The following KLF12 variants were observed in gnomAD, a reference collection of about 807,000 sequenced individuals.
The protein encoded by KLF12 is KLF transcription factor 12.
In KLF12, 9 loss-of-function variants were observed where a neutral mutation model predicts 37.8. The observed-to-expected ratio is 0.24, with a 90% CI of 0.14 to 0.42. The LOEUF (loss-of-function observed/expected upper bound fraction) is 0.42, where lower values mean the gene tolerates loss of function less well. Among genes scored for constraint, KLF12 ranks in the 10% least tolerant of loss-of-function variants. The pLI is 1.00. For synonymous variants in KLF12, 208 were observed against 202.1 expected (o/e 1.03, Z -0.25); for missense variants, 411 against 516.0 (o/e 0.80, Z 1.97).
chr13:74,185,427 T>A, the KLF12 span, among the ~76,000 whole-genome samples: 1 of 152,134 alleles, frequency 6.6e-6, no homozygotes, highest in Admixed American at 6.5e-5. Flanking sequence ...TCATCAATAT[T>A]TTTTTCCAAC....
At chr13:73,824,819 G>A (rs1034775537) in intron 4 of KLF12, among the ~76,000 whole-genome samples, 2 of 152,136 alleles carry the variant, frequency 1.3e-5, no homozygotes, top group Non-Finnish European at 2.9e-5. Flanking sequence ...TGTAATCCCA[G>A]CACTTTGAGA....
At chr13:74,046,990 A>C (rs1047281628) in intron 1 of KLF12, among the ~76,000 whole-genome samples, 2 of 152,178 alleles carry the variant, frequency 1.3e-5, no homozygotes, top group African/African-American at 4.8e-5. Flanking sequence ...CTACTGAAAA[A>C]CAGGAAAAAA....
chr13:74,280,936 A>T, the KLF12 span, among the ~76,000 whole-genome samples: 1 of 149,880 alleles, frequency 6.7e-6, no homozygotes, highest in Non-Finnish European at 1.5e-5. Context: ...TCAGATAGCC[A>T]CTACTTTTGA....
intron 2 of KLF12, among the ~76,000 whole-genome samples, chr13:73,952,524 G>T (rs1263419283): frequency 6.6e-6 from 1 of 152,098 alleles, no homozygotes; most frequent in African/African-American, 2.4e-5. Context: ...CAACAATAAG[G>T]TTAAAATTTG....
At chr13:73,792,092 T>C (rs773364640) in intron 5 of KLF12, among the ~76,000 whole-genome samples, 8 of 152,194 alleles carry the variant, frequency 5.3e-5, no homozygotes, top group Admixed American at 3.9e-4. Flanking sequence ...TCACTCACCA[T>C]GGCTATGGCA....
chr13:73,839,353 T>C (rs1423030770), intron 4 of KLF12, among the ~76,000 whole-genome samples: 5 of 151,896 alleles, frequency 3.3e-5, no homozygotes, highest in Non-Finnish European at 5.9e-5. Context: ...TCTGCCTTCA[T>C]TGGCCTCCCA....
At chr13:74,275,811 T>C in the KLF12 span, among the ~76,000 whole-genome samples, 77 of 80,544 alleles carry the variant, frequency 9.6e-4, no homozygotes, top group East Asian at 2.7e-3. Flanking sequence ...TCTTTCCTTC[T>C]TTCTTTCTTT....
the KLF12 span, among the ~76,000 whole-genome samples, chr13:74,166,087 CT>C: frequency 0.029 from 2,987 of 103,692 alleles, 27 homozygotes; most frequent in Middle Eastern, 0.073. Context: ...GCATAAACAC[CT>C]TTTTTTTTTT....
At chr13:73,829,460 A>T (rs1037751520) in intron 4 of KLF12, among the ~76,000 whole-genome samples, 1 of 152,164 alleles carries the variant, frequency 6.6e-6, no homozygotes, top group Non-Finnish European at 1.5e-5. Flanking sequence ...CAAGTCAACT[A>T]GTTTCATTTG....
At chr13:73,832,205 T>G (rs1884197212) in intron 4 of KLF12, among the ~76,000 whole-genome samples, 1 of 152,220 alleles carries the variant, frequency 6.6e-6, no homozygotes, top group South Asian at 2.1e-4. Flanking sequence ...CCTCATTCTT[T>G]GTGTGCCCTC....
intron 6 of KLF12, among the ~76,000 whole-genome samples, chr13:73,764,425 T>C (rs1364237915): frequency 6.6e-6 from 1 of 151,886 alleles, no homozygotes; most frequent in Admixed American, 6.6e-5. Flanking sequence ...ATTCCATCTA[T>C]ATTTTTGTTC....
At chr13:74,183,301 C>T in the KLF12 span, among the ~76,000 whole-genome samples, 4 of 152,078 alleles carry the variant, frequency 2.6e-5, no homozygotes, top group South Asian at 2.1e-4. Flanking sequence ...CACATGAATG[C>T]GGGACTCGGC....
intron 3 of KLF12, among the ~76,000 whole-genome samples, chr13:73,904,373 G>A (rs1409000664): frequency 6.6e-6 from 1 of 150,958 alleles, no homozygotes. Flanking sequence ...TATCGTAAAT[G>A]CAATTTTCAT....
chr13:73,945,479 T>C (rs377004622), intron 2 of KLF12, among the ~76,000 whole-genome samples: 1 of 144,534 alleles, frequency 6.9e-6, no homozygotes, highest in East Asian at 2.4e-4. Context: ...CAAAAATAAA[T>C]AAATAAAAAC....
chr13:73,983,107 G>A (rs545764043), intron 2 of KLF12, among the ~76,000 whole-genome samples: 6 of 151,976 alleles, frequency 3.9e-5, no homozygotes, highest in South Asian at 4.2e-4. Context: ...TATGAGGCTC[G>A]CACCCTGTCC....
At chr13:74,036,807 C>T (rs2138514030) in intron 1 of KLF12, among the ~76,000 whole-genome samples, 1 of 152,264 alleles carries the variant, frequency 6.6e-6, no homozygotes, top group Non-Finnish European at 1.5e-5. Flanking sequence ...GAAAAAGTGC[C>T]TTCTGTTTTA....
intron 5 of KLF12, among the ~76,000 whole-genome samples, chr13:73,809,040 T>C (rs1477395574): frequency 6.6e-6 from 1 of 152,194 alleles, no homozygotes. Flanking sequence ...CTTTGATCTT[T>C]AATTGTAAAG....
At chr13:73,720,962 G>A (rs1876196088) in intron 6 of KLF12, among the ~76,000 whole-genome samples, 1 of 152,134 alleles carries the variant, frequency 6.6e-6, no homozygotes, top group Non-Finnish European at 1.5e-5. Context: ...AAAAACCAGA[G>A]CAGAAAACAC....
the KLF12 span, among the ~76,000 whole-genome samples, chr13:74,182,048 A>C: frequency 6.6e-6 from 1 of 152,218 alleles, no homozygotes; most frequent in East Asian, 1.9e-4. Flanking sequence ...TACTGTTTGG[A>C]GTTTGTTTTA....
Sources: allele counts gnomAD v4.1 joint callset (sites outside exome capture counted in the v4.1 genomes callset), GRCh38; gene constraint gnomAD v4.1.1; transcripts MANE v1.5; gene names NCBI Gene and HGNC (gene_info 2026-07-23, HGNC 2026-07-21).